SORCS1: variants seen among roughly 807,000 people sequenced by gnomAD.
The protein encoded by SORCS1 is sortilin related VPS10 domain containing receptor 1, also known as VPS10 domain-containing receptor SorCS1.
In SORCS1, 60 loss-of-function variants were observed where a neutral mutation model predicts 146.1. That is an observed-to-expected ratio of 0.41 (90% CI 0.33 to 0.51). The LOEUF (loss-of-function observed/expected upper bound fraction) is 0.51. Ranked by LOEUF, SORCS1 falls within the 20% of genes least tolerant of loss-of-function variation. The pLI is 0.21. For synonymous variants in SORCS1, 637 were observed against 584.0 expected, an observed-to-expected ratio of 1.09 and a Z score of -1.31; for missense variants, 1,352 against 1,487.6, an observed-to-expected ratio of 0.91 and a Z score of 1.50.
At chr10:106,675,287 CATATGA>C in intron 13 of SORCS1, 131 bp from the exon 14 acceptor site, 2 of 637,354 alleles carry the variant, frequency 3.1e-6, no homozygotes, top group South Asian at 4.3e-5. Context: ...ATGAGCCTTT[CATATGA>C]ATAAGTATTC....
chr10:107,008,629 A>T (rs1957553501), intron 1 of SORCS1, among the ~76,000 whole-genome samples: 1 of 152,220 alleles, frequency 6.6e-6, no homozygotes, highest in South Asian at 2.1e-4. Flanking sequence ...CTAAGAAAGT[A>T]CATTCTGCAT....
In SORCS1 at chr10:106,914,317, T is replaced by C. The variant is rs529347449; in HGVS notation, c.626+42196A>G. 6.3e-4 allele frequency among the ~76,000 whole-genome samples: 96 copies of C among 152,308 alleles called. 1 individual carries two copies. Among genetic ancestry groups the C allele is most frequent in the African/African-American group, 2.2e-3 (90 of 41,580 alleles). On this transcript the variant is annotated intron_variant, in intron 2 of 25. Coordinates refer to ENST00000263054, the MANE Select transcript of SORCS1 (RefSeq NM_052918.5). ...TAGATGCTGTTACAGACTGTTAAAT[T>C]CGTAGTTAAGGTTCATATCATTATC...
At chr10:107,072,677 T>C (rs1962540466) in intron 1 of SORCS1, among the ~76,000 whole-genome samples, 1 of 151,558 alleles carries the variant, frequency 6.6e-6, no homozygotes, top group Non-Finnish European at 1.5e-5. Flanking sequence ...CTTGCATTAT[T>C]TGCGTTAACT....
At chr10:106,664,976 C>T (rs138550697) in intron 17 of SORCS1, among the ~76,000 whole-genome samples, 88 of 152,154 alleles carry the variant, frequency 5.8e-4, no homozygotes, top group African/African-American at 2.0e-3. Flanking sequence ...TTTTTTTCCT[C>T]CATGGTACTA....
Position 106,916,575 on chromosome 10 carries a change from T to TGCAC in SORCS1, c.626+39937_626+39938insGTGC, listed in dbSNP as rs1952440639. On this transcript the variant is annotated intron_variant, in intron 2 of 25. Coordinates refer to ENST00000263054, the MANE Select transcript of SORCS1 (RefSeq NM_052918.5). The stretch of plus-strand genomic sequence containing the variant: ...TGATATATAATTGTGTGCATATATA[T>TGCAC]ACACACACACACACACACACACACA... Among the ~76,000 whole-genome samples the TGCAC allele has an allele frequency of 1.1e-4, 16 of 142,832 alleles. No individual in the cohort carries two copies. The South Asian group carries it at 2.9e-3, about 26-fold the overall frequency. 93.7% of individuals were successfully genotyped at this position (142,832 alleles called of 152,430 possible).
chr10:106,902,262 C>G (rs772494160), intron 2 of SORCS1, among the ~76,000 whole-genome samples: 24 of 152,024 alleles, frequency 1.6e-4, no homozygotes, highest in Non-Finnish European at 2.8e-4. Flanking sequence ...AAAATAGTCC[C>G]TAACCTTTAG....
At chr10:107,032,409 C>T (rs889143296) in intron 1 of SORCS1, among the ~76,000 whole-genome samples, 4 of 152,160 alleles carry the variant, frequency 2.6e-5, no homozygotes, top group Non-Finnish European at 5.9e-5. Context: ...CTTTGCTTAC[C>T]TGCATTTTTT....
chr10:107,079,225 C>CA (rs796448763), intron 1 of SORCS1, among the ~76,000 whole-genome samples: 5,651 of 104,566 alleles, frequency 0.054, 122 homozygotes, highest in Middle Eastern at 0.15. Flanking sequence ...GACTCTGTCT[C>CA]AAAAAAAAAA....
intron 24 of SORCS1, among the ~76,000 whole-genome samples, chr10:106,586,808 T>C (rs564865681): frequency 5.9e-5 from 9 of 152,094 alleles, no homozygotes; most frequent in African/African-American, 2.2e-4. Context: ...ATAAAAATAT[T>C]AATTGGATGT....
chr10:106,605,087 C>T (rs1225424097), intron 23 of SORCS1, among the ~76,000 whole-genome samples: 2 of 152,226 alleles, frequency 1.3e-5, no homozygotes, highest in Non-Finnish European at 2.9e-5. Context: ...TGTGCCAATT[C>T]TAAGTCACAC....
At chr10:106,764,060 A>G (rs1859355308) in intron 4 of SORCS1, among the ~76,000 whole-genome samples, 1 of 152,228 alleles carries the variant, frequency 6.6e-6, no homozygotes, top group African/African-American at 2.4e-5. Flanking sequence ...AAGAAAATTT[A>G]TCAGAGGAAT....
intron 1 of SORCS1, among the ~76,000 whole-genome samples, chr10:107,133,083 T>G (rs1966986848): frequency 1.3e-5 from 2 of 152,166 alleles, no homozygotes; most frequent in African/African-American, 4.8e-5. Flanking sequence ...ACATTCATAT[T>G]CACAGAGTCT....
intron 1 of SORCS1, among the ~76,000 whole-genome samples, chr10:107,026,821 A>C (rs1182102158): frequency 6.6e-6 from 1 of 151,932 alleles, no homozygotes; most frequent in Admixed American, 6.6e-5. Context: ...CAACTTGTAC[A>C]TCTCTGGGTA....
chr10:106,694,928 T>C (rs1853581618), intron 9 of SORCS1, among the ~76,000 whole-genome samples: 4 of 152,154 alleles, frequency 2.6e-5, no homozygotes, highest in African/African-American at 9.7e-5. Flanking sequence ...TTAATTAATA[T>C]TCACTTCCCA....
intron 5 of SORCS1, among the ~76,000 whole-genome samples, chr10:106,733,618 T>C (rs1052086530): frequency 1.3e-5 from 2 of 152,242 alleles, no homozygotes; most frequent in African/African-American, 2.4e-5. Flanking sequence ...AGACCAACTA[T>C]GTGTTTCATC....
At chr10:107,174,307 G>C in the SORCS1 span, among the ~76,000 whole-genome samples, 1 of 152,064 alleles carries the variant, frequency 6.6e-6, no homozygotes, top group Non-Finnish European at 1.5e-5. Context: ...CCGGGTTCAC[G>C]CCGTTCTCCT....
At chr10:106,798,160 T>G (rs1946673878) in intron 3 of SORCS1, among the ~76,000 whole-genome samples, 1 of 152,150 alleles carries the variant, frequency 6.6e-6, no homozygotes, top group Non-Finnish European at 1.5e-5. Flanking sequence ...AGAGTTTCCC[T>G]TCATAAGCTC....
At chr10:106,965,303 C>T (rs186172530) in intron 1 of SORCS1, among the ~76,000 whole-genome samples, 280 of 152,146 alleles carry the variant, frequency 1.8e-3, no homozygotes, top group Non-Finnish European at 3.1e-3. Context: ...AAAGCCCTGC[C>T]GGCAAAACTC....
At chr10:107,135,729 T>G (rs958458420) in intron 1 of SORCS1, among the ~76,000 whole-genome samples, 1 of 152,238 alleles carries the variant, frequency 6.6e-6, no homozygotes, top group African/African-American at 2.4e-5. Context: ...GAGAATATTA[T>G]AATGAAACGA....
Sources: allele counts gnomAD v4.1 joint callset (sites outside exome capture counted in the v4.1 genomes callset), GRCh38; gene constraint gnomAD v4.1.1; transcripts MANE v1.5; gene names NCBI Gene and HGNC (gene_info 2026-07-23, HGNC 2026-07-21).